Variants in PRUNE2 observed in about 807,000 individuals in gnomAD.
The protein encoded by PRUNE2 is protein prune homolog 2.
A neutral mutation model predicts 252.0 loss-of-function variants in PRUNE2; 164 were observed. The ratio of observed to expected loss-of-function variants is 0.65; its 90% CI spans 0.57 to 0.74. The LOEUF (loss-of-function observed/expected upper bound fraction) is 0.74. Ranked by LOEUF, PRUNE2 falls within the 30% of genes least tolerant of loss-of-function variation. The probability of loss-of-function intolerance (pLI) is 0.00; values close to 1 mark genes in which losing one functional copy is unlikely to be tolerated. For synonymous variants in PRUNE2, 1,292 were observed against 1,350.2 expected, an observed-to-expected ratio of 0.96 and a Z score of 0.94; for missense variants, 3,495 against 3,711.0, an observed-to-expected ratio of 0.94 and a Z score of 1.51.
chr9:76,619,403 A>G lies in PRUNE2; in HGVS notation c.9189-16T>C. ...GCAGCTAGTTCTGAGTGCAAGGAAA[A>G]AATAGGAAGCAGTCAACATTTCCCC... On this transcript the variant is annotated splice_polypyrimidine_tract_variant and intron_variant, in intron 17 of 18. Transcript: ENST00000376718. The G allele has an allele frequency of 6.3e-7, 1 of 1,592,084 alleles. No homozygotes were observed. Among genetic ancestry groups the G allele is most frequent in the Non-Finnish European group, 8.6e-7 (1 of 1,164,548 alleles).
intron 9 of PRUNE2, among the ~76,000 whole-genome samples, chr9:76,700,820 T>C (rs576951404): frequency 1.3e-5 from 2 of 152,316 alleles, no homozygotes; most frequent in East Asian, 3.9e-4. Context: ...CTCCTCTTAT[T>C]TCCTCACTTG....
At chr9:76,778,317 C>T (rs924244924) in intron 6 of PRUNE2, 1 of 152,182 alleles carries the variant, frequency 6.6e-6, no homozygotes, top group African/African-American at 2.4e-5. Flanking sequence ...CTTTCACCCT[C>T]ACAGAAAGAC....
At chr9:76,724,017 G>A (rs1266299512) in intron 6 of PRUNE2, among the ~76,000 whole-genome samples, 3 of 150,308 alleles carry the variant, frequency 2.0e-5, no homozygotes, top group African/African-American at 7.3e-5. Context: ...CCATGGTCTC[G>A]ATCTCCTGAC....
chr9:76,886,593 C>T (rs1276288660), intron 1 of PRUNE2, among the ~76,000 whole-genome samples: 2 of 152,170 alleles, frequency 1.3e-5, no homozygotes, highest in Non-Finnish European at 2.9e-5. Context: ...CCCAGCAAAC[C>T]ACACAACTTC....
chr9:76,846,061 G>A (rs987882467), intron 4 of PRUNE2, among the ~76,000 whole-genome samples: 1 of 152,162 alleles, frequency 6.6e-6, no homozygotes, highest in Non-Finnish European at 1.5e-5. Context: ...TAAAAGCCCT[G>A]ACACAGTATC....
At chr9:76,692,256 CGCTGTGGCTAGGGGGCACA>C (rs2044843146) in intron 9 of PRUNE2, 2 of 689,902 alleles carry the variant, frequency 2.9e-6, no homozygotes, top group South Asian at 3.2e-5. Flanking sequence ...CCCATGCAGC[CGCTGTGGCTAGGGGGCACA>C]GCTGGGGCTG....
At chr9:76,903,375 G>GA (rs966349502) in intron 1 of PRUNE2, among the ~76,000 whole-genome samples, 306 of 142,070 alleles carry the variant, frequency 2.2e-3, no homozygotes, top group Admixed American at 4.1e-3. Flanking sequence ...AGCCAAATAG[G>GA]AAAAAAAAAA....
chr9:76,840,966 C>T (rs972866957), intron 4 of PRUNE2, among the ~76,000 whole-genome samples: 14 of 151,060 alleles, frequency 9.3e-5, no homozygotes, highest in Middle Eastern at 3.4e-3. Context: ...GGGCAACAAG[C>T]GCGAGACTTC....
intron 6 of PRUNE2, among the ~76,000 whole-genome samples, chr9:76,791,812 C>A (rs1363559738): frequency 6.6e-6 from 1 of 152,098 alleles, no homozygotes; most frequent in Non-Finnish European, 1.5e-5. Flanking sequence ...TGTCCCCCGA[C>A]TAGATTCAGA....
chr9:76,769,121 T>C (rs11145052), intron 6 of PRUNE2, among the ~76,000 whole-genome samples: 1,736 of 152,330 alleles, frequency 0.011, 31 homozygotes, highest in African/African-American at 0.039. Flanking sequence ...TCTTTCATTA[T>C]GGTACTCATA....
chr9:76,819,095 G>A (rs1449999859), intron 6 of PRUNE2, among the ~76,000 whole-genome samples: 1 of 151,938 alleles, frequency 6.6e-6, no homozygotes, highest in Non-Finnish European at 1.5e-5. Context: ...TACAAAAAAT[G>A]CAAAAATTAG....
intron 6 of PRUNE2, among the ~76,000 whole-genome samples, chr9:76,722,990 C>T (rs2047774145): frequency 6.6e-6 from 1 of 152,226 alleles, no homozygotes; most frequent in African/African-American, 2.4e-5. Context: ...TCACTACACA[C>T]AAGCAAGCAA....
At chr9:76,779,170 G>A (rs2054108158) in intron 6 of PRUNE2, among the ~76,000 whole-genome samples, 1 of 151,662 alleles carries the variant, frequency 6.6e-6, no homozygotes, top group Admixed American at 6.6e-5. Context: ...TATGTTCACA[G>A]GAAATGCTTT....
chr9:76,847,092 C>T (rs7850564), intron 3 of PRUNE2, among the ~76,000 whole-genome samples: 10,639 of 152,006 alleles, frequency 0.07, 496 homozygotes, highest in East Asian at 0.15. Context: ...TTTGGGAGGC[C>T]GAAGCAGGCG....
chr9:76,634,690 C>G (rs574586820), intron 15 of PRUNE2, among the ~76,000 whole-genome samples: 4 of 152,198 alleles, frequency 2.6e-5, no homozygotes, highest in Non-Finnish European at 5.9e-5. Context: ...TCTCCTGGTT[C>G]TAAGTCATGC....
rs2046491081 is a variant in PRUNE2 at position 76,708,806 on chromosome 9, G to A, written c.3468C>T (p.Tyr1156=). 1.2e-6 allele frequency: 2 copies of A among 1,613,932 alleles called. No homozygotes were observed. Among genetic ancestry groups the A allele is most frequent in the Admixed American group, 3.3e-5 (2 of 60,010 alleles). Residue 1156 remains tyrosine (Y), a synonymous_variant, in exon 8 of 19, where the codon TAC becomes TAT. Transcript: ENST00000376718. ...AIPSDGQTEG[Y]MAEGSEPETR... Reference sequence around the variant, plus strand: ...TTTCCGGCTCGGAACCTTCAGCCATGTATCCTTCTGTTTGACCATCACTGG... The same window carrying A: ...TTTCCGGCTCGGAACCTTCAGCCATATATCCTTCTGTTTGACCATCACTGG...
chr9:76,774,458 T>TTATTTATTTATTTATTTATTTA (rs2053498967), intron 6 of PRUNE2, among the ~76,000 whole-genome samples: 1 of 33,294 alleles, frequency 3.0e-5, no homozygotes, highest in African/African-American at 3.1e-4. Flanking sequence ...CCCTTTTTTT[T>TTATTTATTTATTTATTTATTTA]TTTTTTTTTT....
intron 1 of PRUNE2, among the ~76,000 whole-genome samples, chr9:76,885,099 C>T (rs7468364): frequency 0.033 from 5,057 of 152,278 alleles, 278 homozygotes; most frequent in African/African-American, 0.11. Context: ...GAGTAAGGAG[C>T]TCCCCACTTT....
At chr9:76,805,051 T>C (rs900163224) in intron 6 of PRUNE2, among the ~76,000 whole-genome samples, 1 of 152,196 alleles carries the variant, frequency 6.6e-6, no homozygotes, top group African/African-American at 2.4e-5. Context: ...TGTGGCATGA[T>C]CTTGTGGGAC....
Sources: gnomAD v4.1 joint callset for allele counts (sites outside exome capture counted in the v4.1 genomes callset) on GRCh38, gnomAD v4.1.1 for gene constraint, MANE v1.5 for transcripts, NCBI Gene and HGNC (gene_info 2026-07-23, HGNC 2026-07-21) for gene names.